SUZ12: variants seen among roughly 807,000 people sequenced by gnomAD.
SUZ12 encodes SUZ12 polycomb repressive complex 2 subunit.
Under a neutral mutation model 87.3 loss-of-function variants are expected in SUZ12, and 17 were observed. That is an observed-to-expected ratio of 0.19 (90% CI 0.13 to 0.29). The LOEUF (loss-of-function observed/expected upper bound fraction) is 0.29. Ranked by LOEUF, SUZ12 falls within the 10% of genes least tolerant of loss-of-function variation. The probability of loss-of-function intolerance (pLI) is 1.00; values close to 1 mark genes in which losing one functional copy is unlikely to be tolerated. For synonymous variants in SUZ12, 253 were observed against 312.4 expected, an observed-to-expected ratio of 0.81 and a Z score of 2.01; for missense variants, 526 against 912.2, an observed-to-expected ratio of 0.58 and a Z score of 5.45.
At chr17:31,995,984 G>A (rs969834826) in intron 14 of SUZ12, among the ~76,000 whole-genome samples, 10 of 152,062 alleles carry the variant, frequency 6.6e-5, no homozygotes, top group Non-Finnish European at 1.3e-4. Flanking sequence ...CGAGGCAGGC[G>A]CATTGCCTGA....
At chr17:31,994,052 C>A (rs1909852385) in intron 12 of SUZ12, 44 bp downstream of exon 12, 1 of 1,580,580 alleles carries the variant, frequency 6.3e-7, no homozygotes, top group Admixed American at 1.8e-5. Context: ...TAAGAAATCT[C>A]TTGTACCCCA....
At chr17:31,944,623 C>T in intron 3 of SUZ12, among the ~76,000 whole-genome samples, 1 of 151,874 alleles carries the variant, frequency 6.6e-6, no homozygotes, top group Non-Finnish European at 1.5e-5. Flanking sequence ...AATCTGCCAG[C>T]CAAGAAGCAA....
At chr17:31,996,141 T>TCTC (rs1230189130) in intron 14 of SUZ12, among the ~76,000 whole-genome samples, 1 of 152,096 alleles carries the variant, frequency 6.6e-6, no homozygotes, top group African/African-American at 2.4e-5. Flanking sequence ...CCCCAGGAGA[T>TCTC]GGAGGTTGCA....
Position 31,998,712 on chromosome 17 carries a change from T to C in SUZ12, c.1929T>C (p.Tyr643=), listed in dbSNP as rs1598193764. The C allele has an allele frequency of 1.3e-6, 2 of 1,598,730 alleles. No homozygotes were observed. The highest frequency in any genetic ancestry group is 1.1e-5 in the South Asian group (1 of 88,168). Residue 643 remains tyrosine, a synonymous_variant, in exon 16 of 16, where the codon TAT becomes TAC. Transcript: ENST00000322652. ...CCTGTATGCTGTTTGTAGAAAATTA[T>C]GGACAGAAAATAATTAAGAAGAATT... The part of the protein sequence containing the change: ...NHACMLFVEN[Y]GQKIIKKNLC...
intron 3 of SUZ12, among the ~76,000 whole-genome samples, chr17:31,946,425 G>A (rs568484108): frequency 1.3e-5 from 2 of 152,198 alleles, no homozygotes; most frequent in South Asian, 2.1e-4. Flanking sequence ...CCAGCTACTC[G>A]GGAGGCTGAG....
At chr17:31,990,790 C>G (rs1371565658) in intron 10 of SUZ12, among the ~76,000 whole-genome samples, 1 of 152,110 alleles carries the variant, frequency 6.6e-6, no homozygotes, top group Non-Finnish European at 1.5e-5. Context: ...CTCTCTCACC[C>G]TGGCTGGAGT....
At chr17:31,942,733 G>A (rs1318382565) in intron 3 of SUZ12, among the ~76,000 whole-genome samples, 1 of 152,174 alleles carries the variant, frequency 6.6e-6, no homozygotes, top group Non-Finnish European at 1.5e-5. Context: ...ATTTTAAAGT[G>A]GGGTCTGGAG....
rs1048797188 is a variant in SUZ12 at position 31,973,058 on chromosome 17, T to G, written c.506-88T>G. 3.2e-6 allele frequency: 4 copies of G among 1,259,088 alleles called. No homozygotes were observed. The African/African-American group carries it at 4.7e-5, about 15-fold the overall frequency. The allele number at this position is 1,259,088 out of a possible 1,614,324, so 78.0% of individuals were successfully genotyped here. On this transcript the variant is annotated intron_variant, in intron 5 of 15. Transcript: ENST00000322652. ...GAGAAGTCTTACTGTGGGAAATCTC[T>G]GTTTGAAGTTCCCTGACTTGTTAGC...
chr17:31,961,461 A>T lies in SUZ12; in HGVS notation c.456-4686A>T, dbSNP rs1907707498. On this transcript the variant is annotated intron_variant, in intron 4 of 15. Transcript: ENST00000322652. ...ACTCAGAGACTGAGGCAGGAGAATC[A>T]CTTGAACCCAGGTGGGAGGTTGTGG... 3.3e-5 allele frequency among the ~76,000 whole-genome samples: 5 copies of T among 151,986 alleles called. No homozygotes were observed. In the South Asian group the frequency reaches 1.0e-3, roughly 31 times the overall value.
intron 8 of SUZ12, among the ~76,000 whole-genome samples, chr17:31,978,107 G>A (rs1452588253): frequency 2.0e-5 from 3 of 152,136 alleles, no homozygotes; most frequent in African/African-American, 7.2e-5. Flanking sequence ...GTCATTTCTT[G>A]TACCAGGCTG....
chr17:31,950,974 G>T (rs1303037734), intron 4 of SUZ12, among the ~76,000 whole-genome samples: 4 of 151,984 alleles, frequency 2.6e-5, no homozygotes, highest in Non-Finnish European at 2.9e-5. Context: ...TAGAGACGGG[G>T]TTTCACCGTG....
intron 10 of SUZ12, among the ~76,000 whole-genome samples, chr17:31,989,158 C>T (rs1909567564): frequency 6.6e-6 from 1 of 152,048 alleles, no homozygotes; most frequent in Admixed American, 6.6e-5. Context: ...CTTCTGACCT[C>T]ATGATCTGCC....
intron 5 of SUZ12, among the ~76,000 whole-genome samples, chr17:31,968,838 AT>A (rs1195268402): frequency 6.6e-6 from 1 of 152,218 alleles, no homozygotes; most frequent in African/African-American, 2.4e-5. Flanking sequence ...CACATAGTTT[AT>A]CCATCACTGA....
intron 8 of SUZ12, among the ~76,000 whole-genome samples, chr17:31,977,181 T>G (rs1040486391): frequency 2.4e-4 from 36 of 151,390 alleles, no homozygotes; most frequent in Non-Finnish European, 4.7e-4. Context: ...GAGGCTAAGG[T>G]GGGAGGATTG....
chr17:31,989,652 G>A (rs1909603134), intron 10 of SUZ12, among the ~76,000 whole-genome samples: 1 of 151,970 alleles, frequency 6.6e-6, no homozygotes, highest in Non-Finnish European at 1.5e-5. Flanking sequence ...AGACTGGAGT[G>A]CAGTGGCTTA....
Position 31,993,340 on chromosome 17 carries a change from A to T in SUZ12, c.1293+7A>T. The T allele has an allele frequency of 6.7e-7, 1 of 1,486,910 alleles. No homozygotes were observed. The highest frequency in any genetic ancestry group is 9.2e-7 in the Non-Finnish European group (1 of 1,087,838). 92.1% of individuals were successfully genotyped at this position (1,486,910 alleles called of 1,614,324 possible). A position where few individuals can be genotyped will look rare whatever the true frequency, so the allele number is the denominator to read the frequency against. On this transcript the variant is annotated splice_region_variant and intron_variant, in intron 11 of 15. Transcript: ENST00000322652. ...ATTAAGAATATTTTATCAGGTAAAC[A>T]TAGCTGACCCTTCTTAAAGTAATTA...
At chr17:31,992,108 A>G (rs1295490063) in intron 10 of SUZ12, among the ~76,000 whole-genome samples, 3 of 151,242 alleles carry the variant, frequency 2.0e-5, no homozygotes, top group Non-Finnish European at 2.9e-5. Flanking sequence ...CCTGGGCAAT[A>G]TGGTGAAACC....
Position 31,998,728 on chromosome 17 carries a change from A to G in SUZ12, c.1945A>G (p.Lys649Glu). 1 of 1,604,130 alleles carries G rather than the reference A, an allele frequency of 6.2e-7. No homozygotes were observed. Among genetic ancestry groups the G allele is most frequent in the Middle Eastern group, 1.7e-4 (1 of 5,826 alleles). The change falls in exon 16 of 16, where the codon AAG becomes GAG. Residue 649 changes from lysine to glutamate, a missense_variant. Coordinates refer to ENST00000322652, the MANE Select transcript of SUZ12 (RefSeq NM_015355.4). The stretch of plus-strand genomic sequence containing the variant: ...AGAAAATTATGGACAGAAAATAATT[A>G]AGAAGAATTTATGTCGAAACTTCAT... ...FVENYGQKII[K>E]KNLCRNFMLH...
chr17:31,977,010 A>G (rs992619517), intron 8 of SUZ12, among the ~76,000 whole-genome samples: 6 of 152,198 alleles, frequency 3.9e-5, no homozygotes, highest in Non-Finnish European at 8.8e-5. Context: ...TAGAGAATAA[A>G]TGGTTACTGT....
Sources: allele counts gnomAD v4.1 joint callset (sites outside exome capture counted in the v4.1 genomes callset), GRCh38; gene constraint gnomAD v4.1.1; transcripts MANE v1.5; gene names NCBI Gene and HGNC (gene_info 2026-07-23, HGNC 2026-07-21).